CNGB3: variants seen among roughly 807,000 people sequenced by gnomAD.
CNGB3 encodes the protein cyclic nucleotide-gated channel beta-3.
A neutral mutation model predicts 92.8 loss-of-function variants in CNGB3; 86 were observed. That is an observed-to-expected ratio of 0.93 (90% CI 0.78 to 1.11). The LOEUF (loss-of-function observed/expected upper bound fraction) is 1.11. Ranked by LOEUF, CNGB3 falls within the 50% of genes least tolerant of loss-of-function variation. CNGB3 has a pLI of 0.00. For synonymous variants in CNGB3, 333 were observed against 332.7 expected (o/e 1.00, Z -0.01); for missense variants, 1,026 against 956.8 (o/e 1.07, Z -0.95).
chr8:86,670,460 G>A (rs912785647), intron 4 of CNGB3, among the ~76,000 whole-genome samples: 1 of 152,112 alleles, frequency 6.6e-6, no homozygotes, highest in Middle Eastern at 3.2e-3. Flanking sequence ...ACAGTATCAG[G>A]CTCCAGCACC....
intron 7 of CNGB3, among the ~76,000 whole-genome samples, chr8:86,648,914 T>G (rs1585991740): frequency 6.6e-6 from 1 of 151,378 alleles, no homozygotes; most frequent in East Asian, 1.9e-4. Context: ...CAAAGACATC[T>G]CCAAAAGACT....
intron 6 of CNGB3, chr8:86,661,856 T>G: frequency 7.9e-7 from 1 of 1,261,762 alleles, no homozygotes; most frequent in Non-Finnish European, 1.2e-6. Context: ...GTTCCAGAAC[T>G]GATGTCAGAT....
At chr8:86,692,174 G>A (rs895325627) in intron 3 of CNGB3, among the ~76,000 whole-genome samples, 2 of 152,136 alleles carry the variant, frequency 1.3e-5, no homozygotes, top group Non-Finnish European at 2.9e-5. Context: ...AATGGTCCAC[G>A]TACTTATGAA....
intron 16 of CNGB3, 31 bp downstream of exon 16, chr8:86,579,075 T>C: frequency 1.2e-6 from 2 of 1,613,982 alleles, no homozygotes; most frequent in Non-Finnish European, 1.7e-6. Flanking sequence ...ACCAACTCCA[T>C]CCATCTCTAA....
At chr8:86,740,545 A>G (rs900606428) in intron 1 of CNGB3, among the ~76,000 whole-genome samples, 4 of 152,196 alleles carry the variant, frequency 2.6e-5, no homozygotes, top group Admixed American at 2.6e-4. Context: ...GACTGTACAT[A>G]GGTGGGGAGA....
intron 3 of CNGB3, among the ~76,000 whole-genome samples, chr8:86,709,406 C>T (rs549916874): frequency 3.9e-5 from 6 of 152,274 alleles, no homozygotes; most frequent in Middle Eastern, 3.4e-3. Flanking sequence ...CAAACCCCAG[C>T]GCTTGGCTGA....
chr8:86,686,766 T>G (rs1463540572), intron 3 of CNGB3, among the ~76,000 whole-genome samples: 1 of 152,000 alleles, frequency 6.6e-6, no homozygotes, highest in African/African-American at 2.4e-5. Context: ...TAAGTGTGAC[T>G]ATGGTGACAT....
chr8:86,679,132 T>C (rs938821330), intron 3 of CNGB3, among the ~76,000 whole-genome samples: 12 of 152,152 alleles, frequency 7.9e-5, no homozygotes, highest in Non-Finnish European at 1.2e-4. Context: ...AACATCTCAT[T>C]CATTTATTCA....
At chr8:86,598,735 T>A (rs1348750561) in intron 15 of CNGB3, among the ~76,000 whole-genome samples, 1 of 152,222 alleles carries the variant, frequency 6.6e-6, no homozygotes, top group African/African-American at 2.4e-5. Flanking sequence ...TCTCCTCTTA[T>A]GTCTTTTATA....
intron 15 of CNGB3, among the ~76,000 whole-genome samples, chr8:86,580,169 C>G (rs1821734397): frequency 8.3e-6 from 1 of 121,062 alleles, no homozygotes; most frequent in African/African-American, 3.2e-5. Context: ...TGGGAACTCA[C>G]TCATTATCAC....
At chr8:86,602,028 AT>A (rs1822314206) in intron 15 of CNGB3, among the ~76,000 whole-genome samples, 1 of 152,248 alleles carries the variant, frequency 6.6e-6, no homozygotes, top group Non-Finnish European at 1.5e-5. Flanking sequence ...ACATACTTGT[AT>A]TTATAAAGCT....
chr8:86,689,778 T>A (rs1824269889), intron 3 of CNGB3, among the ~76,000 whole-genome samples: 1 of 152,016 alleles, frequency 6.6e-6, no homozygotes, highest in Non-Finnish European at 1.5e-5. Context: ...GTTCTCATTG[T>A]TCAATTCCCA....
chr8:86,575,725 C>T lies in CNGB3; in HGVS notation c.*79G>A. On this transcript the variant is annotated 3_prime_UTR_variant, in exon 18 of 18. Coordinates refer to ENST00000320005, the MANE Select transcript of CNGB3 (RefSeq NM_019098.5). ...CTCAAGGGTCCCAGCATGTCGTTTCCCCTCGTTAATTTAAGTTACAATCCT... is the reference window on the plus strand; with the variant it reads ...CTCAAGGGTCCCAGCATGTCGTTTCTCCTCGTTAATTTAAGTTACAATCCT... The T allele has an allele frequency of 7.5e-7, 1 of 1,336,236 alleles. No individual in the cohort carries two copies. The allele number at this position is 1,336,236 out of a possible 1,614,324, so 82.8% of individuals were successfully genotyped here.
chr8:86,723,660 A>T (rs1276104847), intron 3 of CNGB3, among the ~76,000 whole-genome samples: 1 of 152,208 alleles, frequency 6.6e-6, no homozygotes, highest in Admixed American at 6.6e-5. Context: ...GTCAAAGCTG[A>T]TACTGGAGCT....
chr8:86,594,833 C>T (rs758576169), intron 15 of CNGB3, among the ~76,000 whole-genome samples: 20 of 152,246 alleles, frequency 1.3e-4, no homozygotes, highest in African/African-American at 4.1e-4. Context: ...CTCAGCCTCC[C>T]GAGTAGCTGG....
In CNGB3 at chr8:86,668,573, A is replaced by G. The variant is rs1823794747; in HGVS notation, c.494-405T>C. Among the ~76,000 whole-genome samples, 4 of 152,324 alleles carry G rather than the reference A, an allele frequency of 2.6e-5. No individual in the cohort carries two copies. In the South Asian group the frequency reaches 8.3e-4, roughly 32 times the overall value. On this transcript the variant is annotated intron_variant, in intron 4 of 17. Transcript: ENST00000320005. ...AGACAGATGAAACAAAACCTTCATG[A>G]CATTTAAAATAGTGACATTTATTTC...
intron 6 of CNGB3, chr8:86,661,575 C>G: frequency 1.3e-6 from 1 of 745,766 alleles, no homozygotes; most frequent in South Asian, 1.4e-5. Flanking sequence ...GCCAAATTTT[C>G]TTTTTCAATT....
chr8:86,632,617 AT>A, intron 11 of CNGB3, 134 bp downstream of exon 11: 1 of 912,642 alleles, frequency 1.1e-6, no homozygotes, highest in African/African-American at 1.7e-5. Context: ...CCTTCAACTC[AT>A]TAAAATAGAA....
chr8:86,588,035 C>T (rs548910683), intron 15 of CNGB3, among the ~76,000 whole-genome samples: 1 of 141,224 alleles, frequency 7.1e-6, no homozygotes, highest in African/African-American at 2.7e-5. Flanking sequence ...TTGTAGTTCT[C>T]CTTGAAGAGG....
Sources: allele counts gnomAD v4.1 joint callset (sites outside exome capture counted in the v4.1 genomes callset), GRCh38; gene constraint gnomAD v4.1.1; transcripts MANE v1.5; gene names NCBI Gene and HGNC (gene_info 2026-07-23, HGNC 2026-07-21).